The following FRS2 variants were observed in gnomAD, a reference collection of about 807,000 sequenced individuals.
FRS2 encodes the protein FGFR signalling adaptor.
A neutral mutation model predicts 43.9 loss-of-function variants in FRS2; 8 were observed. The observed-to-expected ratio is 0.18, with a 90% CI of 0.11 to 0.33. The LOEUF is 0.33. Among genes scored for constraint, FRS2 ranks in the 10% least tolerant of loss-of-function variants. The pLI, the probability that FRS2 is intolerant of heterozygous loss-of-function variation, is 1.00. For missense variants in FRS2, 534 were observed against 627.6 expected, an observed-to-expected ratio of 0.85 and a Z score of 1.59; for synonymous variants, 219 against 220.3, an observed-to-expected ratio of 0.99 and a Z score of 0.05.
intron 1 of FRS2, among the ~76,000 whole-genome samples, chr12:69,507,834 G>C (rs944812311): frequency 1.3e-5 from 2 of 152,012 alleles, no homozygotes; most frequent in Non-Finnish European, 2.9e-5. Flanking sequence ...AGACCAGCCT[G>C]ACCAACATGG....
intron 1 of FRS2, among the ~76,000 whole-genome samples, chr12:69,497,278 T>C (rs1248669743): frequency 1.3e-5 from 2 of 152,238 alleles, no homozygotes; most frequent in African/African-American, 4.8e-5. Flanking sequence ...CTTAGTGCTC[T>C]TAGTGTCTTA....
At chr12:69,474,611 C>T (rs1157197311) in intron 1 of FRS2, among the ~76,000 whole-genome samples, 2 of 152,042 alleles carry the variant, frequency 1.3e-5, no homozygotes, top group East Asian at 1.9e-4. Flanking sequence ...GTTTTCTTGC[C>T]CTGGGTAGCA....
intron 1 of FRS2, among the ~76,000 whole-genome samples, chr12:69,492,181 G>A (rs1459899116): frequency 6.6e-6 from 1 of 152,170 alleles, no homozygotes; most frequent in African/African-American, 2.4e-5. Flanking sequence ...TGGATAGCCT[G>A]TATCTTGTGA....
At chr12:69,517,301 G>C (rs899129953) in intron 1 of FRS2, among the ~76,000 whole-genome samples, 1 of 152,172 alleles carries the variant, frequency 6.6e-6, no homozygotes, top group African/African-American at 2.4e-5. Flanking sequence ...CAGCTTATAT[G>C]TATAAGGTAT....
chr12:69,494,367 T>C (rs221102), intron 1 of FRS2, among the ~76,000 whole-genome samples: 92,498 of 152,058 alleles, frequency 0.61, 29,997 homozygotes, highest in African/African-American at 0.85. Context: ...GGGCTTCTGT[T>C]TCAGTTTTTC....
intron 3 of FRS2, among the ~76,000 whole-genome samples, chr12:69,536,243 A>G (rs577011371): frequency 1.0e-4 from 15 of 146,306 alleles, no homozygotes; most frequent in Middle Eastern, 3.9e-3. Flanking sequence ...TCGTGCCTCA[A>G]CCTTCTGAGT....
chr12:69,493,417 C>T (rs976394693), intron 1 of FRS2, among the ~76,000 whole-genome samples: 4 of 152,164 alleles, frequency 2.6e-5, no homozygotes, highest in African/African-American at 9.7e-5. Context: ...GTGCTGCCGT[C>T]ATCTGAATTA....
At chr12:69,527,403 C>CT (rs796940600) in intron 1 of FRS2, among the ~76,000 whole-genome samples, 15 of 124,586 alleles carry the variant, frequency 1.2e-4, no homozygotes, top group African/African-American at 4.4e-4. Context: ...AAGCTGGACT[C>CT]TAACTCGTGG....
chr12:69,511,645 GTT>G (rs1874465120), intron 1 of FRS2, among the ~76,000 whole-genome samples: 1 of 152,170 alleles, frequency 6.6e-6, no homozygotes, highest in South Asian at 2.1e-4. Flanking sequence ...CAGTCGTTGA[GTT>G]CTATGATCCA....
chr12:69,529,392 G>A (rs965499058), intron 1 of FRS2, among the ~76,000 whole-genome samples: 1 of 152,172 alleles, frequency 6.6e-6, no homozygotes, highest in South Asian at 2.1e-4. Context: ...GGGAAGCTGA[G>A]GCAGGTGGAT....
At chr12:69,483,802 T>G (rs1176198978) in intron 1 of FRS2, among the ~76,000 whole-genome samples, 1 of 152,232 alleles carries the variant, frequency 6.6e-6, no homozygotes, top group East Asian at 1.9e-4. Flanking sequence ...CCAGGTATGA[T>G]TTTTGAGTCA....
chr12:69,559,398 G>T (rs1879694168), intron 3 of FRS2, among the ~76,000 whole-genome samples: 1 of 152,020 alleles, frequency 6.6e-6, no homozygotes, highest in African/African-American at 2.4e-5. Context: ...GTTAAAAAGA[G>T]GGGGTGAGTG....
intron 1 of FRS2, among the ~76,000 whole-genome samples, chr12:69,530,283 T>C (rs907945099): frequency 1.3e-5 from 2 of 151,922 alleles, no homozygotes; most frequent in Non-Finnish European, 2.9e-5. Flanking sequence ...TTTTTTTTTT[T>C]TTCCAGTCTG....
chr12:69,549,335 CTTTATAT>C (rs1878674068), intron 3 of FRS2, among the ~76,000 whole-genome samples: 1 of 151,762 alleles, frequency 6.6e-6, no homozygotes, highest in African/African-American at 2.4e-5. Context: ...AAGAAATATG[CTTTATAT>C]TTAAGTATTT....
intron 1 of FRS2, among the ~76,000 whole-genome samples, chr12:69,520,186 G>C (rs1388058425): frequency 2.6e-5 from 4 of 151,650 alleles, no homozygotes; most frequent in Non-Finnish European, 5.9e-5. Flanking sequence ...TCATATGCTT[G>C]TTGGCCACGT....
chr12:69,543,054 A>T (rs1324535517), intron 3 of FRS2, among the ~76,000 whole-genome samples: 1 of 152,258 alleles, frequency 6.6e-6, no homozygotes, highest in African/African-American at 2.4e-5. Context: ...GTACTACCTC[A>T]GTCTTATGAG....
At chr12:69,505,999 T>C (rs1260793137) in intron 1 of FRS2, among the ~76,000 whole-genome samples, 1 of 152,234 alleles carries the variant, frequency 6.6e-6, no homozygotes, top group Non-Finnish European at 1.5e-5. Flanking sequence ...ATTTTTATTT[T>C]CATGTTTTCT....
At chr12:69,515,783 T>C (rs1479100257) in intron 1 of FRS2, among the ~76,000 whole-genome samples, 1 of 151,962 alleles carries the variant, frequency 6.6e-6, no homozygotes, top group East Asian at 1.9e-4. Context: ...TTTTTTTTTT[T>C]TAAGTTTGAA....
chr12:69,483,044 A>G (rs2120771562), intron 1 of FRS2, among the ~76,000 whole-genome samples: 1 of 152,372 alleles, frequency 6.6e-6, no homozygotes, highest in South Asian at 2.1e-4. Flanking sequence ...ATTTTGAAGT[A>G]GACTCACAGG....
Sources: gnomAD v4.1 joint callset for allele counts (sites outside exome capture counted in the v4.1 genomes callset) on GRCh38, gnomAD v4.1.1 for gene constraint, MANE v1.5 for transcripts, NCBI Gene and HGNC (gene_info 2026-07-23, HGNC 2026-07-21) for gene names.